YPEL1: variants seen among roughly 807,000 people sequenced by gnomAD.
YPEL1 encodes the protein protein yippee-like 1.
YPEL1 carries 7 observed loss-of-function variants against 17.3 expected under a neutral mutation model. The observed-to-expected ratio is 0.40, with a 90% CI of 0.23 to 0.76. The LOEUF is 0.76. YPEL1 is among the 30% of genes least tolerant of loss of function. The probability of loss-of-function intolerance (pLI) is 0.35; values close to 1 mark genes in which losing one functional copy is unlikely to be tolerated. For missense variants in YPEL1, 91 were observed against 155.5 expected (o/e 0.59, Z 2.21); for synonymous variants, 59 against 59.6 (o/e 0.99, Z 0.05).
chr22:21,733,094 G>A (rs1163893689), intron 1 of YPEL1, among the ~76,000 whole-genome samples: 1 of 151,820 alleles, frequency 6.6e-6, no homozygotes, highest in African/African-American at 2.4e-5. Context: ...CCAGGCTTGA[G>A]TGACAAAGCA....
intron 1 of YPEL1, among the ~76,000 whole-genome samples, chr22:21,725,950 G>A (rs1181880093): frequency 6.6e-6 from 1 of 152,172 alleles, no homozygotes; most frequent in African/African-American, 2.4e-5. Flanking sequence ...GGTGAGCCGT[G>A]ATGGTGCCCC....
chr22:21,710,769 C>T lies in YPEL1; in HGVS notation c.-25G>A, dbSNP rs201805554. On this transcript the variant is annotated 5_prime_UTR_variant, in exon 2 of 5. Transcript: ENST00000339468. ...TCTCTCCTGGGCACTCCTCACTCAGCTCAGGGCTGGTTCTGGAAGAACCGT... is the reference window on the plus strand; with the variant it reads ...TCTCTCCTGGGCACTCCTCACTCAGTTCAGGGCTGGTTCTGGAAGAACCGT... 4.4e-6 allele frequency: 7 copies of T among 1,602,676 alleles called. No individual in the cohort carries two copies. The African/African-American group carries it at 8.0e-5, about 18-fold the overall frequency.
At chr22:21,732,273 T>G (rs761928757) in intron 1 of YPEL1, among the ~76,000 whole-genome samples, 1 of 152,190 alleles carries the variant, frequency 6.6e-6, no homozygotes, top group Non-Finnish European at 1.5e-5. Context: ...TATTGAGAAC[T>G]TTCTTCAACC....
intron 1 of YPEL1, chr22:21,723,112 T>A (rs2068299734): frequency 6.6e-6 from 1 of 152,204 alleles, no homozygotes; most frequent in South Asian, 2.1e-4. Flanking sequence ...CCAGAACTCC[T>A]GGGTTCAAGC....
intron 1 of YPEL1, among the ~76,000 whole-genome samples, chr22:21,715,449 G>A (rs2068211837): frequency 6.6e-6 from 1 of 151,776 alleles, no homozygotes; most frequent in African/African-American, 2.4e-5. Context: ...AGCCGAGATT[G>A]CACCACTGCA....
intron 1 of YPEL1, among the ~76,000 whole-genome samples, chr22:21,718,804 A>ACC (rs901848714): frequency 6.6e-6 from 1 of 151,882 alleles, no homozygotes; most frequent in African/African-American, 2.4e-5. Flanking sequence ...ACACACACAC[A>ACC]CCATCTTCTA....
In YPEL1 at chr22:21,703,955, G is replaced by C. The variant is rs1041981806; in HGVS notation, c.118-73C>G. 8 of 1,529,040 alleles carry C rather than the reference G, an allele frequency of 5.2e-6. No homozygotes were observed. Among genetic ancestry groups the C allele is most frequent in the Non-Finnish European group, 7.1e-6 (8 of 1,126,024 alleles). The allele number at this position is 1,529,040 out of a possible 1,614,324, so 94.7% of individuals were successfully genotyped here. On this transcript the variant is annotated intron_variant, in intron 2 of 4. Transcript: ENST00000339468. This position sits in a 1 kb window ranked among gnomAD's most constrained non-coding sequence, Gnocchi z 6.1. ...CGAAGCGGTGCTGCCCAGAACCAGG[G>C]GAGTCCAGCCCCGCGGCTGTTAGCT... is the stretch of plus-strand genomic sequence containing the variant.
chr22:21,727,268 T>C (rs1377482269), intron 1 of YPEL1, among the ~76,000 whole-genome samples: 1 of 152,226 alleles, frequency 6.6e-6, no homozygotes, highest in African/African-American at 2.4e-5. Context: ...GAGAGGCATG[T>C]CATGTTAAGT....
At chr22:21,710,586 G>A (rs2068154621) in intron 2 of YPEL1, 42 bp downstream of exon 2, 2 of 1,461,062 alleles carry the variant, frequency 1.4e-6, no homozygotes, top group South Asian at 2.3e-5. Flanking sequence ...CACAATGACA[G>A]ATAATCATTG....
chr22:21,708,660 A>ATTTTT (rs150796353), intron 2 of YPEL1, among the ~76,000 whole-genome samples: 2 of 107,214 alleles, frequency 1.9e-5, no homozygotes, highest in Non-Finnish European at 3.7e-5. Flanking sequence ...TCTTGATACA[A>ATTTTT]TTTTTTTTTT....
chr22:21,733,595 G>A (rs1280542936), intron 1 of YPEL1, among the ~76,000 whole-genome samples: 1 of 151,618 alleles, frequency 6.6e-6, no homozygotes, highest in Non-Finnish European at 1.5e-5. Flanking sequence ...GGGTATGGTG[G>A]TGTGTGCCTG....
Position 21,700,475 on chromosome 22 carries a change from C to CA in YPEL1, c.*653_*654insT, listed in dbSNP as rs1555902774. On this transcript the variant is annotated 3_prime_UTR_variant, in exon 5 of 5. Coordinates refer to ENST00000339468, the MANE Select transcript of YPEL1 (RefSeq NM_013313.5). ...TAAAGGCATGCGCCACCATACCCAG[C>CA]TTTTTTTTTTTTTTTTGAGACGATG... 1.5e-5 allele frequency: 2 copies of CA among 135,834 alleles called. No individual in the cohort carries two copies. Among genetic ancestry groups the CA allele is most frequent in the Non-Finnish European group, 3.1e-5 (2 of 64,606 alleles). 8.4% of individuals were successfully genotyped at this position (135,834 alleles called of 1,614,324 possible). A position where few individuals can be genotyped will look rare whatever the true frequency, so the allele number is the denominator to read the frequency against.
intron 1 of YPEL1, among the ~76,000 whole-genome samples, chr22:21,735,014 A>G (rs1426956583): frequency 6.6e-6 from 1 of 152,120 alleles, no homozygotes; most frequent in East Asian, 1.9e-4. Flanking sequence ...CCTTTTTTCC[A>G]TCCTTAGAAT....
At chr22:21,723,468 A>T (rs2068303523) in intron 1 of YPEL1, among the ~76,000 whole-genome samples, 2 of 152,150 alleles carry the variant, frequency 1.3e-5, no homozygotes, top group Non-Finnish European at 2.9e-5. Context: ...CCTGGGTTCA[A>T]GCCATTCTCC....
chr22:21,703,559 ATCC>A lies in YPEL1; in HGVS notation c.162-84_162-82del. ...CTGCCCCCTCAGCGGGCCCCACCCC[ATCC>A]TCCTAAGAGTTCCCCCAAAACAGGG... is the stretch of plus-strand genomic sequence containing the variant. On this transcript the variant is annotated intron_variant, in intron 3 of 4. Transcript: ENST00000339468. The surrounding 1 kb of genome is among the most constrained non-coding windows in gnomAD (Gnocchi z 6.1). 2.3e-6 allele frequency: 3 copies of A among 1,314,496 alleles called. No individual in the cohort carries two copies. The highest frequency in any genetic ancestry group is 1.5e-5 in the African/African-American group (1 of 68,490). 81.4% of individuals were successfully genotyped at this position (1,314,496 alleles called of 1,614,324 possible).
chr22:21,733,235 T>C lies in YPEL1; in HGVS notation c.-165+2380A>G, dbSNP rs534180316. On this transcript the variant is annotated intron_variant, in intron 1 of 4. Transcript: ENST00000339468. The stretch of plus-strand genomic sequence containing the variant: ...GAGTTTGAGACCAGCCTGGGCAACA[T>C]GGTGAAACCCTGTCTCTACTAAAAA... Among the ~76,000 whole-genome samples the C allele has an allele frequency of 3.8e-4, 57 of 151,854 alleles. 1 individual carries two copies. The highest frequency in any genetic ancestry group is 1.2e-3 in the African/African-American group (49 of 41,412).
At position 21,703,236 on chromosome 22, in the gene YPEL1, C is replaced by T; in HGVS notation, c.270+134G>A. 6.6e-6 allele frequency: 5 copies of T among 755,830 alleles called. No homozygotes were observed. The highest frequency in any genetic ancestry group is 1.1e-5 in the Non-Finnish European group (5 of 448,394). 46.8% of individuals were successfully genotyped at this position (755,830 alleles called of 1,614,324 possible). A position where few individuals can be genotyped will look rare whatever the true frequency, so the allele number is the denominator to read the frequency against. On this transcript the variant is annotated intron_variant, in intron 4 of 4. Coordinates refer to ENST00000339468, the MANE Select transcript of YPEL1 (RefSeq NM_013313.5). The surrounding 1 kb of genome is among the most constrained non-coding windows in gnomAD (Gnocchi z 6.1). ...GCCTCACTGGAGTCTGGACTTCCCACCTCGGCTGAGGAACTGGGGTTTCTG... is the reference window on the plus strand; with the variant it reads ...GCCTCACTGGAGTCTGGACTTCCCATCTCGGCTGAGGAACTGGGGTTTCTG...
At chr22:21,727,013 C>T (rs563049157) in intron 1 of YPEL1, among the ~76,000 whole-genome samples, 14 of 152,308 alleles carry the variant, frequency 9.2e-5, no homozygotes, top group African/African-American at 3.1e-4. Context: ...AAGCACACTT[C>T]GCATGGGCTT....
At chr22:21,734,561 G>A (rs2148617883) in intron 1 of YPEL1, among the ~76,000 whole-genome samples, 1 of 152,286 alleles carries the variant, frequency 6.6e-6, no homozygotes, top group East Asian at 1.9e-4. Flanking sequence ...AAGTAGATGA[G>A]ACTCTACCCT....
Sources: gnomAD v4.1 joint callset for allele counts (sites outside exome capture counted in the v4.1 genomes callset) on GRCh38, gnomAD v4.1.1 for gene constraint, Gnocchi (gnomAD v3.1) non-coding constraint, MANE v1.5 for transcripts, NCBI Gene and HGNC (gene_info 2026-07-23, HGNC 2026-07-21) for gene names.